Variants in ENTREP2 observed in about 807,000 individuals in gnomAD.
ENTREP2 encodes the protein protein ENTREP2.
the ENTREP2 span, among the ~76,000 whole-genome samples, chr15:29,591,032 G>C: frequency 6.6e-6 from 1 of 151,984 alleles, no homozygotes; most frequent in African/African-American, 2.4e-5. Flanking sequence ...TTGTTCTTTT[G>C]CCAATCTTCT....
chr15:29,424,299 C>T, the ENTREP2 span, among the ~76,000 whole-genome samples: 40 of 152,246 alleles, frequency 2.6e-4, no homozygotes, highest in Non-Finnish European at 5.0e-4. Flanking sequence ...TATTTGGCCC[C>T]GCCCACATCC....
the ENTREP2 span, among the ~76,000 whole-genome samples, chr15:29,345,072 C>T: frequency 6.6e-6 from 1 of 152,010 alleles, no homozygotes; most frequent in African/African-American, 2.4e-5. Flanking sequence ...TATAATCCCA[C>T]CATAAAGAAC....
chr15:29,636,956 T>C, the ENTREP2 span, among the ~76,000 whole-genome samples: 1 of 152,224 alleles, frequency 6.6e-6, no homozygotes, highest in African/African-American at 2.4e-5. Context: ...CAACTATATA[T>C]ACTTGATTTT....
At chr15:29,314,058 AAATTGTTGC>A in the ENTREP2 span, among the ~76,000 whole-genome samples, 1 of 152,240 alleles carries the variant, frequency 6.6e-6, no homozygotes, top group East Asian at 1.9e-4. Context: ...AGATGTGGCT[AAATTGTTGC>A]AATCTCATGA....
the ENTREP2 span, among the ~76,000 whole-genome samples, chr15:29,264,141 C>T: frequency 2.6e-4 from 3 of 11,586 alleles, no homozygotes; most frequent in African/African-American, 1.7e-3. Context: ...GGCGACAGAG[C>T]GAGACTCCGT....
the ENTREP2 span, among the ~76,000 whole-genome samples, chr15:29,554,821 TCCATC>T: frequency 1.3e-5 from 2 of 152,078 alleles, no homozygotes; most frequent in Admixed American, 6.6e-5. Context: ...AAAATCTATT[TCCATC>T]TAAAAGGCAT....
At chr15:29,527,087 T>C in the ENTREP2 span, among the ~76,000 whole-genome samples, 6 of 152,204 alleles carry the variant, frequency 3.9e-5, no homozygotes, top group African/African-American at 1.4e-4. Flanking sequence ...CCCCCAGATC[T>C]GGCCACACTT....
the ENTREP2 span, among the ~76,000 whole-genome samples, chr15:29,611,902 G>GCAGAA: frequency 6.6e-6 from 1 of 152,158 alleles, no homozygotes; most frequent in East Asian, 1.9e-4. Flanking sequence ...TTCTGCCTGT[G>GCAGAA]CGTTCTGTCT....
the ENTREP2 span, among the ~76,000 whole-genome samples, chr15:29,636,121 G>A: frequency 6.6e-6 from 1 of 152,200 alleles, no homozygotes; most frequent in Non-Finnish European, 1.5e-5. Context: ...CCTCTTTGCA[G>A]CTCATTCCAA....
At chr15:29,310,140 G>A in the ENTREP2 span, among the ~76,000 whole-genome samples, 2 of 152,200 alleles carry the variant, frequency 1.3e-5, no homozygotes, top group Admixed American at 1.3e-4. Flanking sequence ...GGGCAGGACA[G>A]AAATAAGTGG....
the ENTREP2 span, among the ~76,000 whole-genome samples, chr15:29,508,306 A>G: frequency 6.6e-6 from 1 of 152,236 alleles, no homozygotes; most frequent in Non-Finnish European, 1.5e-5. Context: ...TTACAGCCGA[A>G]TTCTACCAGA....
At chr15:29,468,428 T>C in the ENTREP2 span, among the ~76,000 whole-genome samples, 5 of 151,992 alleles carry the variant, frequency 3.3e-5, no homozygotes, top group African/African-American at 9.7e-5. Flanking sequence ...CTGGCGAACA[T>C]AGTGAAACCT....
At chr15:29,453,256 G>A in the ENTREP2 span, among the ~76,000 whole-genome samples, 4 of 152,214 alleles carry the variant, frequency 2.6e-5, no homozygotes, top group Non-Finnish European at 4.4e-5. Flanking sequence ...TGTTACTGTG[G>A]TGCAGTGATC....
the ENTREP2 span, among the ~76,000 whole-genome samples, chr15:29,475,243 C>T: frequency 5.3e-5 from 8 of 152,112 alleles, no homozygotes; most frequent in African/African-American, 1.2e-4. Flanking sequence ...GGAGACAGAA[C>T]GCTGAGAGAG....
the ENTREP2 span, chr15:29,234,258 A>T: frequency 6.2e-7 from 1 of 1,612,542 alleles, no homozygotes. Context: ...TCTTCCGCAG[A>T]AGGAGTTTTA....
At chr15:29,595,840 T>G in the ENTREP2 span, among the ~76,000 whole-genome samples, 1 of 152,222 alleles carries the variant, frequency 6.6e-6, no homozygotes, top group African/African-American at 2.4e-5. Context: ...TGTTCTAGCT[T>G]TGGACTTTGG....
the ENTREP2 span, among the ~76,000 whole-genome samples, chr15:29,217,335 G>A: frequency 6.6e-6 from 1 of 152,160 alleles, no homozygotes; most frequent in Non-Finnish European, 1.5e-5. Context: ...CCATTCAGAT[G>A]GAAACAAGGC....
chr15:29,474,718 C>G, the ENTREP2 span, among the ~76,000 whole-genome samples: 9 of 152,066 alleles, frequency 5.9e-5, no homozygotes, highest in Non-Finnish European at 1.2e-4. Flanking sequence ...CCACTCCCAG[C>G]TAATTTTTGT....
chr15:29,185,320 T>C, the ENTREP2 span, among the ~76,000 whole-genome samples: 1 of 152,150 alleles, frequency 6.6e-6, no homozygotes, highest in Non-Finnish European at 1.5e-5. Context: ...CATGCATCTC[T>C]GAATTCATGC....
Sources: allele counts gnomAD v4.1 joint callset (sites outside exome capture counted in the v4.1 genomes callset), GRCh38; gene constraint gnomAD v4.1.1; transcripts MANE v1.5; gene names NCBI Gene and HGNC (gene_info 2026-07-23, HGNC 2026-07-21).